The following ITPKB variants were observed in gnomAD, a reference collection of about 807,000 sequenced individuals.
The protein encoded by ITPKB is inositol-trisphosphate 3-kinase B, also known as IP3 3-kinase B.
ITPKB carries 13 observed loss-of-function variants against 69.4 expected under a neutral mutation model. The observed-to-expected ratio is 0.19, with a 90% CI of 0.12 to 0.30. ITPKB has a LOEUF of 0.30. ITPKB is among the 10% of genes least tolerant of loss of function. ITPKB has a pLI of 1.00. For missense variants in ITPKB, 1,240 were observed against 1,250.5 expected, an observed-to-expected ratio of 0.99 and a Z score of 0.13; for synonymous variants, 584 against 513.7, an observed-to-expected ratio of 1.14 and a Z score of -1.85.
At chr1:226,681,382 G>C (rs1656090312) in intron 2 of ITPKB, among the ~76,000 whole-genome samples, 1 of 152,172 alleles carries the variant, frequency 6.6e-6, no homozygotes, top group African/African-American at 2.4e-5. Context: ...CAATTAATAT[G>C]TGTTGAGTGT....
intron 2 of ITPKB, among the ~76,000 whole-genome samples, chr1:226,652,128 G>A (rs1314515156): frequency 1.3e-5 from 2 of 152,230 alleles, no homozygotes; most frequent in East Asian, 3.9e-4. Flanking sequence ...CTGCCAAGCA[G>A]TAAACAGAAA....
At chr1:226,732,031 T>C (rs1182733059) in intron 2 of ITPKB, among the ~76,000 whole-genome samples, 1 of 150,214 alleles carries the variant, frequency 6.7e-6, no homozygotes, top group Non-Finnish European at 1.5e-5. Flanking sequence ...TTAAACTGTT[T>C]GGATTTTTTA....
At position 226,647,236 on chromosome 1, in the gene ITPKB, T is replaced by C; in HGVS notation, c.2177A>G (p.Tyr726Cys). Residue 726 changes from tyrosine to cysteine, a missense_variant, in exon 4 of 8, where the codon TAC becomes TGC. Coordinates refer to ENST00000429204, the MANE Select transcript of ITPKB (RefSeq NM_002221.4). ...GGCCAGCAGGTCGTCCATCTGGTTGTAGCGCTCCCCGTCCTTCACCACATC... is the reference window on the plus strand; with the variant it reads ...GGCCAGCAGGTCGTCCATCTGGTTGCAGCGCTCCCCGTCCTTCACCACATC... ...HGDVVKDGER[Y>C]NQMDDLLADF... 1 of 1,614,194 alleles carries C rather than the reference T, an allele frequency of 6.2e-7. No homozygotes were observed. Among genetic ancestry groups the C allele is most frequent in the Non-Finnish European group, 8.5e-7 (1 of 1,180,024 alleles).
intron 2 of ITPKB, among the ~76,000 whole-genome samples, chr1:226,688,087 C>A (rs573339879): frequency 1.3e-5 from 2 of 152,346 alleles, no homozygotes; most frequent in African/African-American, 4.8e-5. Flanking sequence ...GCCCAAGCCT[C>A]TGGCAAGAAA....
intron 2 of ITPKB, among the ~76,000 whole-genome samples, chr1:226,693,079 G>A (rs1263708171): frequency 6.6e-6 from 1 of 152,212 alleles, no homozygotes; most frequent in Admixed American, 6.5e-5. Context: ...CCGTGGCTTG[G>A]GTGCTCTGTC....
intron 2 of ITPKB, among the ~76,000 whole-genome samples, chr1:226,721,816 CTT>C (rs1009629370): frequency 7.1e-6 from 1 of 139,988 alleles, no homozygotes. Context: ...TCTTTTCTTT[CTT>C]TTTTTTTTTC....
rs3831353 is a variant in ITPKB, at chr1:226,636,752, CTGTGTGTGTG to C, written c.2625+917_2625+926del. Among the ~76,000 whole-genome samples, 41 of 140,084 alleles carry C rather than the reference CTGTGTGTGTG, an allele frequency of 2.9e-4. 1 individual carries two copies. Among genetic ancestry groups the C allele is most frequent in the South Asian group, 9.4e-4 (4 of 4,278 alleles). 91.9% of individuals were successfully genotyped at this position (140,084 alleles called of 152,430 possible). ...ATTAGCCAGCCCCAGGACTGCAGCTCTGTGTGTGTGTGTGTGTGTGTGTGTGTGTGTGTGT... is the reference window on the plus strand; with the variant it reads ...ATTAGCCAGCCCCAGGACTGCAGCTCTGTGTGTGTGTGTGTGTGTGTGTGT... On this transcript the variant is annotated intron_variant, in intron 7 of 7. Coordinates refer to ENST00000429204, the MANE Select transcript of ITPKB (RefSeq NM_002221.4).
In ITPKB at chr1:226,641,696, G is replaced by A. The variant is rs1010191557; in HGVS notation, c.2451+225C>T. The stretch of plus-strand genomic sequence containing the variant: ...AGTCCTCGGCAGAGGGCTGACAGCT[G>A]GGCAGGGCTAGAAGCCACTCTGCTC... On this transcript the variant is annotated intron_variant, in intron 5 of 7. Coordinates refer to ENST00000429204, the MANE Select transcript of ITPKB (RefSeq NM_002221.4). The surrounding 1 kb of genome is among the most constrained non-coding windows in gnomAD (Gnocchi z 4.6). 6.6e-6 allele frequency among the ~76,000 whole-genome samples: 1 copy of A among 152,262 alleles called. No homozygotes were observed. Among genetic ancestry groups the A allele is most frequent in the Non-Finnish European group, 1.5e-5 (1 of 68,050 alleles).
At position 226,720,770 on chromosome 1, in the gene ITPKB, G is replaced by T. The variant is rs546257580; in HGVS notation, c.1932+14757C>A. On this transcript the variant is annotated intron_variant, in intron 2 of 7. Coordinates refer to ENST00000429204, the MANE Select transcript of ITPKB (RefSeq NM_002221.4). The stretch of plus-strand genomic sequence containing the variant: ...TTCAAAAGAAATATTGGCCGGGCGC[G>T]GCCGGGCGTGGTGGCTCATGCCTAT... 4.3e-3 allele frequency among the ~76,000 whole-genome samples: 653 copies of T among 150,570 alleles called. 5 individuals carry two copies. Among genetic ancestry groups the T allele is most frequent in the Middle Eastern group, 0.014 (4 of 284 alleles).
At chr1:226,713,434 CCT>C (rs1405462850) in intron 2 of ITPKB, among the ~76,000 whole-genome samples, 2 of 152,176 alleles carry the variant, frequency 1.3e-5, no homozygotes, top group African/African-American at 2.4e-5. Flanking sequence ...CTCTGTGCCC[CCT>C]CTGTCAAGGG....
At chr1:226,652,235 A>G (rs972734171) in intron 2 of ITPKB, among the ~76,000 whole-genome samples, 2 of 152,226 alleles carry the variant, frequency 1.3e-5, no homozygotes, top group Admixed American at 6.5e-5. Flanking sequence ...GAGATGAACT[A>G]AAGGATGGGA....
At chr1:226,655,760 C>T (rs557158511) in intron 2 of ITPKB, among the ~76,000 whole-genome samples, 3 of 152,346 alleles carry the variant, frequency 2.0e-5, no homozygotes, top group Admixed American at 1.3e-4. Context: ...TGTCTTCTTT[C>T]CAGCCAATTC....
At chr1:226,659,313 C>T (rs1295212195) in intron 2 of ITPKB, among the ~76,000 whole-genome samples, 1 of 152,096 alleles carries the variant, frequency 6.6e-6, no homozygotes, top group Non-Finnish European at 1.5e-5. Context: ...GGACAGGGCT[C>T]CAGGAGCAGC....
At chr1:226,677,683 C>A (rs577242330) in intron 2 of ITPKB, among the ~76,000 whole-genome samples, 5 of 152,214 alleles carry the variant, frequency 3.3e-5, no homozygotes, top group African/African-American at 1.2e-4. Context: ...GAGAAACTGA[C>A]GGGAAAGGTG....
intron 2 of ITPKB, among the ~76,000 whole-genome samples, chr1:226,695,971 G>C (rs1359266658): frequency 6.6e-6 from 1 of 152,134 alleles, no homozygotes; most frequent in South Asian, 2.1e-4. Flanking sequence ...AGAGCAGAGG[G>C]AAAAGACTAA....
intron 2 of ITPKB, chr1:226,707,119 G>A: frequency 2.4e-6 from 2 of 823,470 alleles, no homozygotes; most frequent in Non-Finnish European, 2.9e-6. Context: ...ATTTCACAAG[G>A]AAATAAAGGG....
At chr1:226,665,523 G>A (rs534577012) in intron 2 of ITPKB, among the ~76,000 whole-genome samples, 17 of 152,258 alleles carry the variant, frequency 1.1e-4, no homozygotes, top group African/African-American at 3.4e-4. Context: ...GTGGCCCTTC[G>A]GGTCTGAAAG....
intron 6 of ITPKB, 135 bp downstream of exon 6, chr1:226,639,422 C>A: frequency 1.5e-6 from 1 of 667,062 alleles, no homozygotes; most frequent in Non-Finnish European, 2.7e-6. Flanking sequence ...GGCCTCTCTA[C>A]AGAGCCCTAC....
intron 2 of ITPKB, among the ~76,000 whole-genome samples, chr1:226,696,392 G>T (rs1656487321): frequency 6.6e-6 from 1 of 151,966 alleles, no homozygotes; most frequent in South Asian, 2.1e-4. Context: ...GGTGCTCCCT[G>T]GTAGCTAGTT....
Sources: gnomAD v4.1 joint callset for allele counts (sites outside exome capture counted in the v4.1 genomes callset) on GRCh38, gnomAD v4.1.1 for gene constraint, Gnocchi (gnomAD v3.1) non-coding constraint, MANE v1.5 for transcripts, NCBI Gene and HGNC (gene_info 2026-07-23, HGNC 2026-07-21) for gene names.